Variants in PIK3CB observed in about 807,000 individuals in gnomAD.
PIK3CB encodes the protein phosphatidylinositol 4,5-bisphosphate 3-kinase catalytic subunit beta isoform.
In PIK3CB, 39 loss-of-function variants were observed where a neutral mutation model predicts 136.8. The observed-to-expected ratio is 0.29, with a 90% confidence interval of 0.22 to 0.37. The LOEUF is 0.37. Ranked by LOEUF, PIK3CB falls within the 10% of genes least tolerant of loss-of-function variation. The pLI, the probability that PIK3CB is intolerant of heterozygous loss-of-function variation, is 1.00. For synonymous variants in PIK3CB, 428 were observed against 436.6 expected (o/e 0.98, Z 0.25); for missense variants, 868 against 1,275.4 (o/e 0.68, Z 4.87).
chr3:138,657,973 T>A (rs2043220565), intron 21 of PIK3CB, 138 bp from the exon 22 acceptor site: 1 of 675,444 alleles, frequency 1.5e-6, no homozygotes, highest in African/African-American at 1.8e-5. Flanking sequence ...TATAGCCCAC[T>A]GAGCCAGGTG....
chr3:138,694,290 T>C (rs917453166), intron 14 of PIK3CB, among the ~76,000 whole-genome samples: 2 of 152,040 alleles, frequency 1.3e-5, no homozygotes, highest in African/African-American at 4.8e-5. Flanking sequence ...GCTTATGTGA[T>C]AGCTGCCCGT....
chr3:138,677,652 T>A (rs1221406386), intron 19 of PIK3CB, among the ~76,000 whole-genome samples: 1 of 152,222 alleles, frequency 6.6e-6, no homozygotes, highest in Non-Finnish European at 1.5e-5. Context: ...ATCCCAATAC[T>A]TTGGGAGGCC....
intron 2 of PIK3CB, among the ~76,000 whole-genome samples, chr3:138,793,902 G>A (rs1246222435): frequency 6.6e-6 from 1 of 152,200 alleles, no homozygotes; most frequent in Non-Finnish European, 1.5e-5. Context: ...GCCACGTAGT[G>A]TTCTGTGGCT....
intron 12 of PIK3CB, among the ~76,000 whole-genome samples, chr3:138,703,585 T>C (rs1427919780): frequency 7.0e-6 from 1 of 142,860 alleles, no homozygotes; most frequent in Non-Finnish European, 1.5e-5. Context: ...TATAGATATG[T>C]AGATATAGAT....
intron 1 of PIK3CB, among the ~76,000 whole-genome samples, chr3:138,821,287 AAAAAAAC>A (rs1933551222): frequency 6.7e-6 from 1 of 149,778 alleles, no homozygotes. Flanking sequence ...CGTCTCAAAA[AAAAAAAC>A]AAAAAACAAA....
At chr3:138,697,504 T>C (rs1471414334) in intron 13 of PIK3CB, among the ~76,000 whole-genome samples, 2 of 152,120 alleles carry the variant, frequency 1.3e-5, no homozygotes. Context: ...GGCACAATCT[T>C]GGCTCACTGC....
At chr3:138,682,329 A>T (rs2043799039) in intron 18 of PIK3CB, among the ~76,000 whole-genome samples, 1 of 152,194 alleles carries the variant, frequency 6.6e-6, no homozygotes, top group South Asian at 2.1e-4. Flanking sequence ...TTCCTTGATT[A>T]TATTCTACCT....
At chr3:138,806,945 G>A (rs2046240895) in intron 1 of PIK3CB, among the ~76,000 whole-genome samples, 1 of 152,154 alleles carries the variant, frequency 6.6e-6, no homozygotes, top group African/African-American at 2.4e-5. Context: ...GCATTCCACA[G>A]CTCCTATAAC....
At position 138,699,038 on chromosome 3, in the gene PIK3CB, A is replaced by C. The variant is rs1342269400; in HGVS notation, c.1639T>G (p.Leu547Val). The change falls in exon 13 of 24, where the codon TTG becomes GTG. Residue 547 changes from leucine to valine, a missense_variant. Physicochemically the swap from Leu to Val is conservative, Grantham distance 32. This residue lies in a region of PIK3CB where 612 missense variants were observed against 801.1 expected (regional missense o/e 0.76). Transcript: ENST00000674063. ...VLKEILDRDP[L>V]SQLCENEMDL... ...ATTTCATTTTCACACAGTTGAGACA[A>C]GGGATCCCTGTCCAAGATTTCTTTC... 1.2e-6 allele frequency: 2 copies of C among 1,601,832 alleles called. No individual in the cohort carries two copies. Among genetic ancestry groups the C allele is most frequent in the African/African-American group, 2.7e-5 (2 of 74,752 alleles).
intron 2 of PIK3CB, among the ~76,000 whole-genome samples, chr3:138,780,985 TA>T (rs2045916854): frequency 6.6e-6 from 1 of 152,136 alleles, no homozygotes; most frequent in African/African-American, 2.4e-5. Flanking sequence ...ATGCTCCAGC[TA>T]AAAATTAAGT....
rs967305849 is a variant in PIK3CB, at chr3:138,689,173, C to T, written c.2037-199G>A. 2.0e-5 allele frequency among the ~76,000 whole-genome samples: 3 copies of T among 151,540 alleles called. No homozygotes were observed. In the South Asian group the frequency reaches 6.3e-4, roughly 32 times the overall value. ...AGGCTGGTGTGCACTGGTGTGATCTCGGCTCACTGCAATCTCCACCCACCG... is the reference window on the plus strand; with the variant it reads ...AGGCTGGTGTGCACTGGTGTGATCTTGGCTCACTGCAATCTCCACCCACCG... On this transcript the variant is annotated intron_variant, in intron 15 of 23. Transcript: ENST00000674063.
At chr3:138,722,679 C>A (rs1234099799) in intron 8 of PIK3CB, among the ~76,000 whole-genome samples, 84 of 150,194 alleles carry the variant, frequency 5.6e-4, no homozygotes, top group African/African-American at 1.8e-3. Context: ...TAGGGATGAG[C>A]TGCTATAAAA....
chr3:138,724,575 G>A (rs950073061), intron 8 of PIK3CB, among the ~76,000 whole-genome samples: 1 of 152,122 alleles, frequency 6.6e-6, no homozygotes, highest in Non-Finnish European at 1.5e-5. Context: ...CTCTATTCAC[G>A]TGGTTGGTTT....
At chr3:138,821,594 G>A (rs1260494463) in intron 1 of PIK3CB, among the ~76,000 whole-genome samples, 1 of 152,010 alleles carries the variant, frequency 6.6e-6, no homozygotes, top group East Asian at 1.9e-4. Context: ...AGACCAGCCA[G>A]ACCAACATGG....
chr3:138,743,552 ACATTCATTCATT>A (rs547743417), intron 4 of PIK3CB, among the ~76,000 whole-genome samples: 2 of 151,996 alleles, frequency 1.3e-5, no homozygotes, highest in Non-Finnish European at 2.9e-5. Flanking sequence ...TTCACATATA[ACATTCATTCATT>A]CATTCATTCA....
chr3:138,781,739 G>A (rs539508205), intron 2 of PIK3CB, among the ~76,000 whole-genome samples: 2 of 152,220 alleles, frequency 1.3e-5, no homozygotes, highest in South Asian at 4.1e-4. Flanking sequence ...ACAGGCGTGT[G>A]CCACCGTGCC....
At chr3:138,832,634 C>G (rs1934084256) in intron 1 of PIK3CB, among the ~76,000 whole-genome samples, 1 of 151,966 alleles carries the variant, frequency 6.6e-6, no homozygotes, top group African/African-American at 2.4e-5. Flanking sequence ...CGAGACCACC[C>G]TGACCAACAT....
chr3:138,810,435 T>C (rs537364961), intron 1 of PIK3CB, among the ~76,000 whole-genome samples: 2 of 152,170 alleles, frequency 1.3e-5, no homozygotes, highest in Admixed American at 1.3e-4. Context: ...TCAACAACGA[T>C]AATTCATTTT....
chr3:138,828,710 A>C (rs368711807), intron 1 of PIK3CB, among the ~76,000 whole-genome samples: 2 of 152,194 alleles, frequency 1.3e-5, no homozygotes, highest in East Asian at 3.9e-4. Context: ...GTGCCCTATA[A>C]TACTACCTGT....
Sources: gnomAD v4.1 joint callset for allele counts (sites outside exome capture counted in the v4.1 genomes callset) on GRCh38, gnomAD v4.1.1 for gene constraint, gnomAD v4.1.1 regional missense constraint, MANE v1.5 for transcripts, NCBI Gene and HGNC (gene_info 2026-07-23, HGNC 2026-07-21) for gene names.